The following RGMA variants were observed in gnomAD, a reference collection of about 807,000 sequenced individuals.
RGMA encodes repulsive guidance molecule A.
RGMA carries 10 observed loss-of-function variants against 23.2 expected under a neutral mutation model. The observed-to-expected ratio is 0.43, with a 90% CI of 0.27 to 0.73. The LOEUF (loss-of-function observed/expected upper bound fraction) is 0.73, where lower values mean the gene tolerates loss of function less well. Among genes scored for constraint, RGMA ranks in the 30% least tolerant of loss-of-function variants. The pLI, the probability that RGMA is intolerant of heterozygous loss-of-function variation, is 0.20. For synonymous variants in RGMA, 308 were observed against 279.3 expected (o/e 1.10, Z -1.03); for missense variants, 547 against 630.5 (o/e 0.87, Z 1.42).
At chr15:93,047,761 C>T (rs975549758) in intron 3 of RGMA, among the ~76,000 whole-genome samples, 3 of 152,210 alleles carry the variant, frequency 2.0e-5, no homozygotes, top group Non-Finnish European at 2.9e-5. Flanking sequence ...GACTGCCTGC[C>T]GGCTCTCTGG....
intron 2 of RGMA, among the ~76,000 whole-genome samples, chr15:93,054,806 T>G (rs1195110184): frequency 1.3e-5 from 2 of 152,180 alleles, no homozygotes; most frequent in Non-Finnish European, 2.9e-5. Flanking sequence ...AGGAGAGGTC[T>G]CCCTCCCAAG....
intron 1 of RGMA, among the ~76,000 whole-genome samples, chr15:93,085,853 G>A (rs1383031112): frequency 6.6e-6 from 1 of 152,142 alleles, no homozygotes; most frequent in East Asian, 1.9e-4. Context: ...CTAAGAAACT[G>A]GGTATCCTTT....
chr15:93,073,085 G>A, intron 1 of RGMA, 54 bp from the exon 2 acceptor site: 1 of 1,476,266 alleles, frequency 6.8e-7, no homozygotes, highest in Admixed American at 2.3e-5. Flanking sequence ...GCGAAGAAAG[G>A]GCAGCCTCGC....
intron 1 of RGMA, among the ~76,000 whole-genome samples, chr15:93,076,303 G>A (rs989507683): frequency 2.1e-5 from 3 of 143,392 alleles, no homozygotes; most frequent in Non-Finnish European, 4.4e-5. Flanking sequence ...TTGATGGGGG[G>A]AAAGGGGTCA....
At chr15:93,078,642 A>G (rs890824999) in intron 1 of RGMA, among the ~76,000 whole-genome samples, 1 of 152,204 alleles carries the variant, frequency 6.6e-6, no homozygotes, top group Non-Finnish European at 1.5e-5. Flanking sequence ...TAAAACCCTT[A>G]AGGTACAAAG....
At chr15:93,074,856 T>A (rs1895444758) in intron 1 of RGMA, among the ~76,000 whole-genome samples, 1 of 152,206 alleles carries the variant, frequency 6.6e-6, no homozygotes, top group Non-Finnish European at 1.5e-5. Flanking sequence ...TTTCCACTAA[T>A]TAACACCATT....
In RGMA at chr15:93,076,259, AC is replaced by A. The variant is rs574706934; in HGVS notation, c.15-3229del. Among the ~76,000 whole-genome samples, 650 of 151,774 alleles carry A rather than the reference AC, an allele frequency of 4.3e-3. 5 individuals carry two copies. Among genetic ancestry groups the A allele is most frequent in the African/African-American group, 0.015 (620 of 41,358 alleles). On this transcript the variant is annotated intron_variant, in intron 1 of 3. Transcript: ENST00000329082. ...GCCTCAATCCTGAGCATCCCCCTCCACCTTCTCTCCCTTTCCACTCTGGGGG... is the reference window on the plus strand; with the variant it reads ...GCCTCAATCCTGAGCATCCCCCTCCACTTCTCTCCCTTTCCACTCTGGGGG...
intron 2 of RGMA, among the ~76,000 whole-genome samples, chr15:93,060,525 G>A (rs890201903): frequency 6.6e-6 from 1 of 152,192 alleles, no homozygotes; most frequent in South Asian, 2.1e-4. Flanking sequence ...AGACAGAGTG[G>A]CTCCCAGACC....
chr15:93,067,616 C>T (rs551540041), intron 2 of RGMA, among the ~76,000 whole-genome samples: 22 of 152,018 alleles, frequency 1.4e-4, no homozygotes, highest in African/African-American at 4.8e-4. Flanking sequence ...TGAAACTGGG[C>T]AGTGTCCAGA....
In RGMA at chr15:93,037,073, C is replaced by CG. The variant is rs2054669053; in HGVS notation, c.*7924dup. On this transcript the variant is annotated 3_prime_UTR_variant, in exon 4 of 4. Transcript: ENST00000329082. The surrounding 1 kb of genome is among the most constrained non-coding windows in gnomAD (Gnocchi z 4.3). ...GCAGGAAATGGTCAGCTTGGAGGAACGGTGCCCTCGAGGTGGTCAGTAACG... is the reference window on the plus strand; with the variant it reads ...GCAGGAAATGGTCAGCTTGGAGGAACGGGTGCCCTCGAGGTGGTCAGTAACG... 1 of 152,140 alleles carries CG rather than the reference C, an allele frequency of 6.6e-6. No homozygotes were observed. Among genetic ancestry groups the CG allele is most frequent in the African/African-American group, 2.4e-5 (1 of 41,416 alleles). 9.4% of individuals were successfully genotyped at this position (152,140 alleles called of 1,614,324 possible).
chr15:93,080,912 TTTC>T (rs1895549476), intron 1 of RGMA, among the ~76,000 whole-genome samples: 1 of 152,176 alleles, frequency 6.6e-6, no homozygotes, highest in African/African-American at 2.4e-5. Context: ...CGACCACCGC[TTTC>T]TTCTTAAAAC....
chr15:93,050,309 C>G (rs185815433), intron 3 of RGMA, among the ~76,000 whole-genome samples: 1 of 152,182 alleles, frequency 6.6e-6, no homozygotes, highest in Non-Finnish European at 1.5e-5. Flanking sequence ...GACAGACAGG[C>G]GGGGGCAGGC....
chr15:93,045,687 T>C lies in RGMA; in HGVS notation c.664A>G (p.Asn222Asp). 5 of 1,604,088 alleles carry C rather than the reference T, an allele frequency of 3.1e-6. No individual in the cohort carries two copies. Among genetic ancestry groups the C allele is most frequent in the Non-Finnish European group, 4.2e-6 (5 of 1,179,534 alleles). ...TTCTGGTCCACACACTCCTGGAAGT[T>C]CTTGAAGATGATGGTGAGCTGCCGG... ...ATSKLTIIFK[N>D]FQECVDQKVY... Residue 222 changes from asparagine to aspartate, a missense_variant, in exon 4 of 4, where the codon AAC becomes GAC. Coordinates refer to ENST00000329082, the MANE Select transcript of RGMA (RefSeq NM_020211.3). The surrounding 1 kb of genome is among the most constrained non-coding windows in gnomAD (Gnocchi z 6.9).
Position 93,044,970 on chromosome 15 carries a change from G to T in RGMA, c.*28C>A. The T allele has an allele frequency of 6.5e-7, 1 of 1,548,060 alleles. No homozygotes were observed. The highest frequency in any genetic ancestry group is 8.8e-7 in the Non-Finnish European group (1 of 1,140,956). On this transcript the variant is annotated 3_prime_UTR_variant, in exon 4 of 4. Coordinates refer to ENST00000329082, the MANE Select transcript of RGMA (RefSeq NM_020211.3). Reference sequence around the variant, plus strand: ...CACATGGGGAAGCCGAGAGGACGGAGCCCGCGCCTCCCTCCACATCTACGC... The same window carrying T: ...CACATGGGGAAGCCGAGAGGACGGATCCCGCGCCTCCCTCCACATCTACGC...
chr15:93,040,592 ATG>A lies in RGMA; in HGVS notation c.*4404_*4405del, dbSNP rs1215294491. The stretch of plus-strand genomic sequence containing the variant: ...CCTTCTCACCCTCCTGCAATCCAAA[ATG>A]TGTGTCTCTCGGAACCTCTGGCCCA... On this transcript the variant is annotated 3_prime_UTR_variant, in exon 4 of 4. Transcript: ENST00000329082. 1 of 151,512 alleles carries A rather than the reference ATG, an allele frequency of 6.6e-6. No individual in the cohort carries two copies. Among genetic ancestry groups the A allele is most frequent in the Non-Finnish European group, 1.5e-5 (1 of 67,924 alleles). 9.4% of individuals were successfully genotyped at this position (151,512 alleles called of 1,614,324 possible). A position where few individuals can be genotyped will look rare whatever the true frequency, so the allele number is the denominator to read the frequency against.
At position 93,038,748 on chromosome 15, in the gene RGMA, G is replaced by A. The variant is rs2054689803; in HGVS notation, c.*6250C>T. The A allele has an allele frequency of 6.6e-6, 1 of 151,798 alleles. No individual in the cohort carries two copies. The highest frequency in any genetic ancestry group is 1.5e-5 in the Non-Finnish European group (1 of 67,928). 9.4% of individuals were successfully genotyped at this position (151,798 alleles called of 1,614,324 possible). ...CACCACCACGCCTGGCTAATTTTTT[G>A]TATTTTTAGTAGAGATGGGGTTTCA... On this transcript the variant is annotated 3_prime_UTR_variant, in exon 4 of 4. Transcript: ENST00000329082.
rs2054685844 is a variant in RGMA, at chr15:93,038,569, G to GTTTTTTTTTTTGTTTTTTTT, written c.*6428_*6429insAAAAAAAACAAAAAAAAAAA. ...GCCTTAATGAACGAAACTGTTAGTT[G>GTTTTTTTTTTTGTTTTTTTT]TTTTTTTTTTTTTTTTGAGACGGTG... is the stretch of plus-strand genomic sequence containing the variant. On this transcript the variant is annotated 3_prime_UTR_variant, in exon 4 of 4. Coordinates refer to ENST00000329082, the MANE Select transcript of RGMA (RefSeq NM_020211.3). The GTTTTTTTTTTTGTTTTTTTT allele has an allele frequency of 2.0e-5, 2 of 100,224 alleles. No homozygotes were observed. The highest frequency in any genetic ancestry group is 4.7e-5 in the Non-Finnish European group (2 of 42,826). The allele number at this position is 100,224 out of a possible 1,614,324, so 6.2% of individuals were successfully genotyped here.
chr15:93,045,414 A>G lies in RGMA; in HGVS notation c.937T>C (p.Tyr313His). ...AVEDWDSQGL[Y>H]LCLRGCPLNQ... Reference sequence around the variant, plus strand: ...AGGGGGCAGCCCCGCAGGCAGAGGTAGAGACCCTGGCTGTCCCAGTCCTCC... The same window carrying G: ...AGGGGGCAGCCCCGCAGGCAGAGGTGGAGACCCTGGCTGTCCCAGTCCTCC... Residue 313 changes from tyrosine to histidine, a missense_variant, in exon 4 of 4, where the codon TAC (tyrosine) becomes CAC (histidine). Coordinates refer to ENST00000329082, the MANE Select transcript of RGMA (RefSeq NM_020211.3). This position sits in a 1 kb window ranked among gnomAD's most constrained non-coding sequence, Gnocchi z 6.9. The G allele has an allele frequency of 6.2e-7, 1 of 1,613,196 alleles. No homozygotes were observed. The highest frequency in any genetic ancestry group is 8.5e-7 in the Non-Finnish European group (1 of 1,179,816).
chr15:93,065,686 A>C lies in RGMA; in HGVS notation c.130+7230T>G, dbSNP rs1895120858. ...CGGGGCCTGCTGCCCTCTCTGCTGG[A>C]AGTAGGGGTGGTTTCGTGGGCCCTG... is the stretch of plus-strand genomic sequence containing the variant. On this transcript the variant is annotated intron_variant, in intron 2 of 3. Transcript: ENST00000329082. 2.6e-6 allele frequency: 3 copies of C among 1,144,510 alleles called. No homozygotes were observed. The African/African-American group carries it at 4.6e-5, about 18-fold the overall frequency. 70.9% of individuals were successfully genotyped at this position (1,144,510 alleles called of 1,614,324 possible).
Sources: gnomAD v4.1 joint callset for allele counts (sites outside exome capture counted in the v4.1 genomes callset) on GRCh38, gnomAD v4.1.1 for gene constraint, Gnocchi (gnomAD v3.1) non-coding constraint, MANE v1.5 for transcripts, NCBI Gene and HGNC (gene_info 2026-07-23, HGNC 2026-07-21) for gene names.